MNDA: variants seen among roughly 807,000 people sequenced by gnomAD.
MNDA encodes the protein myeloid cell nuclear differentiation antigen, also known as epididymis secretory sperm binding protein.
A neutral mutation model predicts 37.8 loss-of-function variants in MNDA; 43 were observed. The observed-to-expected ratio is 1.14, with a 90% CI of 0.89 to 1.47. MNDA has a LOEUF of 1.47. Among genes scored for constraint, MNDA ranks in the 40% most tolerant of loss-of-function variants. MNDA has a pLI of 0.00. For synonymous variants in MNDA, 181 were observed against 169.0 expected (o/e 1.07, Z -0.55); for missense variants, 536 against 476.0 (o/e 1.13, Z -1.17).
rs559502950 is a variant in MNDA at position 158,843,365 on chromosome 1, G to T, written c.352G>T (p.Ala118Ser). 5 of 1,611,932 alleles carry T rather than the reference G, an allele frequency of 3.1e-6. No individual in the cohort carries two copies. The highest frequency in any genetic ancestry group is 4.2e-6 in the Non-Finnish European group (5 of 1,179,134). The change falls in exon 3 of 7, where the codon GCA (alanine) becomes TCA (serine). Residue 118 changes from alanine to serine, a missense_variant. Transcript: ENST00000368141. ...EVGLAAPAPTARNKLTSEARG... is the reference protein window; with the variant it reads ...EVGLAAPAPTSRNKLTSEARG... ...GGGTCTTGCGGCACCTGCACCCACC[G>T]CAAGAAACAAACTGACATCGGAAGC...
intron 4 of MNDA, 29 bp from the exon 5 acceptor site, chr1:158,845,552 TTTTAAG>T (rs146722319): frequency 0.12 from 190,183 of 1,576,132 alleles, 14,935 homozygotes; most frequent in East Asian, 0.32. Flanking sequence ...CTGCTCAAAG[TTTTAAG>T]TTTATTTTCT....
At position 158,842,327 on chromosome 1, in the gene MNDA, C is replaced by T. The variant is rs368251665; in HGVS notation, c.174C>T (p.Gly58=). 6.4e-5 allele frequency: 104 copies of T among 1,613,982 alleles called. No individual in the cohort carries two copies. Among genetic ancestry groups the T allele is most frequent in the African/African-American group, 2.3e-4 (17 of 74,940 alleles). ...ATTTGATGGAAAAAAAGTTCCAAGGCGTTGCCTGTCTAGACAAACTAATAG... is the reference window on the plus strand; with the variant it reads ...ATTTGATGGAAAAAAAGTTCCAAGGTGTTGCCTGTCTAGACAAACTAATAG... ...ITDLMEKKFQ[G]VACLDKLIEL... is the part of the protein sequence containing the mutation. Residue 58 remains glycine (G), a synonymous_variant, in exon 2 of 7, where the codon GGC becomes GGT. Coordinates refer to ENST00000368141, the MANE Select transcript of MNDA (RefSeq NM_002432.3).
intron 2 of MNDA, 64 bp downstream of exon 2, chr1:158,842,482 C>A: frequency 6.6e-7 from 1 of 1,513,818 alleles, no homozygotes; most frequent in Non-Finnish European, 8.9e-7. Context: ...CAGTAGAACC[C>A]CACCTTGGTC....
chr1:158,840,863 C>T (rs1659017378), intron 1 of MNDA, among the ~76,000 whole-genome samples: 1 of 152,118 alleles, frequency 6.6e-6, no homozygotes, highest in African/African-American at 2.4e-5. Flanking sequence ...AACACAGGAA[C>T]ACTCATGTTC....
chr1:158,847,029 T>C (rs1659147912), intron 5 of MNDA, among the ~76,000 whole-genome samples: 1 of 152,200 alleles, frequency 6.6e-6, no homozygotes, highest in Non-Finnish European at 1.5e-5. Flanking sequence ...TCCTTTAAAA[T>C]TTCTCATAAT....
intron 1 of MNDA, among the ~76,000 whole-genome samples, chr1:158,836,912 T>C (rs1658927155): frequency 6.6e-6 from 1 of 151,878 alleles, no homozygotes; most frequent in African/African-American, 2.4e-5. Context: ...TGTGTTTCTA[T>C]ATAATTTCTC....
intron 1 of MNDA, among the ~76,000 whole-genome samples, chr1:158,838,553 T>C (rs1419193842): frequency 6.6e-6 from 1 of 152,136 alleles, no homozygotes; most frequent in East Asian, 1.9e-4. Flanking sequence ...TAATAATGTG[T>C]CATAGTGTAA....
At chr1:158,843,232 C>T in intron 2 of MNDA, 47 bp from the exon 3 acceptor site, 7 of 1,553,618 alleles carry the variant, frequency 4.5e-6, no homozygotes, top group Non-Finnish European at 5.2e-6. Context: ...CTTAGATAAG[C>T]TATTCCACTC....
At chr1:158,847,968 C>G in intron 6 of MNDA, 52 bp downstream of exon 6, 1 of 1,561,370 alleles carries the variant, frequency 6.4e-7, no homozygotes, top group Non-Finnish European at 8.7e-7. Flanking sequence ...AATAATTTTG[C>G]TTAGGCTTTG....
At chr1:158,845,014 G>T (rs1057173725) in intron 4 of MNDA, among the ~76,000 whole-genome samples, 1 of 152,122 alleles carries the variant, frequency 6.6e-6, no homozygotes, top group African/African-American at 2.4e-5. Context: ...GAGTCAATGA[G>T]GGTGATTTAA....
rs891177433 is a variant in MNDA at position 158,839,671 on chromosome 1, C to T, written c.-20-2463C>T. Among the ~76,000 whole-genome samples, 4 of 152,192 alleles carry T rather than the reference C, an allele frequency of 2.6e-5. No individual in the cohort carries two copies. In the East Asian group the frequency reaches 7.7e-4, roughly 29 times the overall value. ...AGAATGAGGAATTAGGAAGTTTCCTCCTGATCACGTCACACCATTCAAGGG... is the reference window on the plus strand; with the variant it reads ...AGAATGAGGAATTAGGAAGTTTCCTTCTGATCACGTCACACCATTCAAGGG... On this transcript the variant is annotated intron_variant, in intron 1 of 6. Transcript: ENST00000368141.
At position 158,847,745 on chromosome 1, in the gene MNDA, GAACAC is replaced by G; in HGVS notation, c.1008_1012del (p.Thr337LeufsTer2). Reference sequence around the variant, plus strand: ...TTTTGCAGAAAAGCGTACACAAGAAGAACACAATTTATGAAATACAGGATAATACA... The same window carrying G: ...TTTTGCAGAAAAGCGTACACAAGAAGAATTTATGAAATACAGGATAATACA... On this transcript the variant is annotated frameshift_variant, in exon 6 of 7. Transcript: ENST00000368141. LOFTEE classifies it high-confidence loss of function. 1 of 1,612,642 alleles carries G rather than the reference GAACAC, an allele frequency of 6.2e-7. No homozygotes were observed. The highest frequency in any genetic ancestry group is 8.5e-7 in the Non-Finnish European group (1 of 1,179,364).
chr1:158,843,244 A>G, intron 2 of MNDA, 35 bp from the exon 3 acceptor site: 2 of 1,583,820 alleles, frequency 1.3e-6, no homozygotes, highest in Non-Finnish European at 1.7e-6. Context: ...ATTCCACTCT[A>G]GGCCTATTGT....
In MNDA at chr1:158,847,739, CAAG is replaced by C. The variant is rs773035960; in HGVS notation, c.1005_1007del (p.Lys335del). The C allele has an allele frequency of 1.2e-6, 2 of 1,612,094 alleles. No homozygotes were observed. The highest frequency in any genetic ancestry group is 1.1e-5 in the South Asian group (1 of 90,826). On this transcript the variant is annotated inframe_deletion, in exon 6 of 7. Transcript: ENST00000368141. ...ATCTTCTTTTGCAGAAAAGCGTACA[CAAG>C]AAGAACACAATTTATGAAATACAGG...
At chr1:158,847,643 T>C in intron 5 of MNDA, 85 bp from the exon 6 acceptor site, 3 of 1,302,276 alleles carry the variant, frequency 2.3e-6, no homozygotes, top group Non-Finnish European at 3.2e-6. Context: ...TCGTGCATAT[T>C]GCATTAACTT....
At position 158,847,720 on chromosome 1, in the gene MNDA, T is replaced by C; in HGVS notation, c.988-8T>C. On this transcript the variant is annotated splice_region_variant and splice_polypyrimidine_tract_variant and intron_variant, in intron 5 of 6. Coordinates refer to ENST00000368141, the MANE Select transcript of MNDA (RefSeq NM_002432.3). Reference sequence around the variant, plus strand: ...TCTCAGAAACAGGATGTTAATCTTCTTTTGCAGAAAAGCGTACACAAGAAG... The same window carrying C: ...TCTCAGAAACAGGATGTTAATCTTCCTTTGCAGAAAAGCGTACACAAGAAG... 2 of 1,607,294 alleles carry C rather than the reference T, an allele frequency of 1.2e-6. No individual in the cohort carries two copies. The highest frequency in any genetic ancestry group is 1.7e-6 in the Non-Finnish European group (2 of 1,176,118).
chr1:158,846,043 C>T (rs1473588200), intron 5 of MNDA, 40 bp downstream of exon 5: 1 of 1,512,630 alleles, frequency 6.6e-7, no homozygotes, highest in African/African-American at 1.4e-5. Flanking sequence ...CTACCATTAC[C>T]TGGAAATAAA....
At chr1:158,845,194 T>G (rs192606931) in intron 4 of MNDA, among the ~76,000 whole-genome samples, 78 of 151,508 alleles carry the variant, frequency 5.1e-4, no homozygotes, top group Non-Finnish European at 8.8e-4. Flanking sequence ...AGAGTGACTT[T>G]GTATTCCTGC....
In MNDA at chr1:158,844,079, C is replaced by T. The variant is rs866225535; in HGVS notation, c.527C>T (p.Pro176Leu). Residue 176 changes from proline (P) to leucine (L), a missense_variant, in exon 4 of 7, where the codon CCC becomes CTC. Transcript: ENST00000368141. ...TSAAVDHPPL[P>L]QTSSSTPSNT... The stretch of plus-strand genomic sequence containing the variant: ...GCAGCTGTGGATCATCCCCCACTAC[C>T]CCAGACCTCATCATCAACTCCATCC... 1 of 1,608,148 alleles carries T rather than the reference C, an allele frequency of 6.2e-7. No homozygotes were observed. Among genetic ancestry groups the T allele is most frequent in the Non-Finnish European group, 8.5e-7 (1 of 1,177,786 alleles).
Sources: gnomAD v4.1 joint callset for allele counts (sites outside exome capture counted in the v4.1 genomes callset) on GRCh38, gnomAD v4.1.1 for gene constraint, MANE v1.5 for transcripts, NCBI Gene and HGNC (gene_info 2026-07-23, HGNC 2026-07-21) for gene names.